Variants in ABHD17C observed in about 807,000 individuals in gnomAD.
The protein encoded by ABHD17C is alpha/beta hydrolase domain-containing protein 17C.
Under a neutral mutation model 27.9 loss-of-function variants are expected in ABHD17C, and 11 were observed. The ratio of observed to expected loss-of-function variants is 0.39; its 90% CI spans 0.25 to 0.65. The LOEUF is 0.65. Ranked by LOEUF, ABHD17C falls within the 30% of genes least tolerant of loss-of-function variation. ABHD17C has a pLI of 0.45. For synonymous variants in ABHD17C, 233 were observed against 209.1 expected, an observed-to-expected ratio of 1.11 and a Z score of -0.98; for missense variants, 280 against 470.2, an observed-to-expected ratio of 0.60 and a Z score of 3.74.
At chr15:80,743,470 A>T (rs888927361) in intron 1 of ABHD17C, among the ~76,000 whole-genome samples, 1 of 152,226 alleles carries the variant, frequency 6.6e-6, no homozygotes, top group South Asian at 2.1e-4. Flanking sequence ...CACAAAGGTC[A>T]TGCTGACTAG....
At chr15:80,725,081 A>G (rs908027641) in intron 1 of ABHD17C, among the ~76,000 whole-genome samples, 1 of 152,254 alleles carries the variant, frequency 6.6e-6, no homozygotes, top group Admixed American at 6.5e-5. Context: ...CGAAGACACC[A>G]GGGCAGTGTG....
At chr15:80,741,926 C>T (rs1197695350) in intron 1 of ABHD17C, among the ~76,000 whole-genome samples, 3 of 152,178 alleles carry the variant, frequency 2.0e-5, no homozygotes, top group African/African-American at 4.8e-5. Context: ...GACTAATGGG[C>T]AGGTAGTGTA....
intron 1 of ABHD17C, among the ~76,000 whole-genome samples, chr15:80,724,828 G>T (rs1894950734): frequency 6.6e-6 from 1 of 152,188 alleles, no homozygotes; most frequent in African/African-American, 2.4e-5. Context: ...CAGGGATGGA[G>T]TTTTCTGCTC....
At chr15:80,726,805 G>A (rs947362269) in intron 1 of ABHD17C, among the ~76,000 whole-genome samples, 2 of 152,144 alleles carry the variant, frequency 1.3e-5, no homozygotes, top group Admixed American at 1.3e-4. Context: ...GATTACAGGC[G>A]TGAGCCGCCA....
chr15:80,725,661 CACCACCGTG>C (rs1276491894), intron 1 of ABHD17C, among the ~76,000 whole-genome samples: 25 of 152,168 alleles, frequency 1.6e-4, no homozygotes, highest in Admixed American at 4.6e-4. Flanking sequence ...TACAGGTGTG[CACCACCGTG>C]ACTAGCTAAT....
chr15:80,698,606 G>A (rs570583731), intron 1 of ABHD17C, among the ~76,000 whole-genome samples: 4 of 152,184 alleles, frequency 2.6e-5, no homozygotes, highest in African/African-American at 9.7e-5. Flanking sequence ...TTATTCTGCT[G>A]ACATAAGAGT....
intron 2 of ABHD17C, among the ~76,000 whole-genome samples, chr15:80,752,092 C>T (rs1171520401): frequency 6.6e-6 from 1 of 152,190 alleles, no homozygotes; most frequent in African/African-American, 2.4e-5. Context: ...TGGAAGTCAA[C>T]TTTAAATACA....
At chr15:80,723,716 C>T (rs950246817) in intron 1 of ABHD17C, among the ~76,000 whole-genome samples, 3 of 152,126 alleles carry the variant, frequency 2.0e-5, no homozygotes, top group Non-Finnish European at 2.9e-5. Context: ...GTCACATTGC[C>T]ACAGGTTTCC....
At chr15:80,718,344 T>G (rs1399877463) in intron 1 of ABHD17C, among the ~76,000 whole-genome samples, 1 of 152,098 alleles carries the variant, frequency 6.6e-6, no homozygotes, top group Non-Finnish European at 1.5e-5. Flanking sequence ...TATTTATTTA[T>G]TTTTTTGAAA....
At chr15:80,714,257 G>A (rs181306914) in intron 1 of ABHD17C, among the ~76,000 whole-genome samples, 41 of 152,274 alleles carry the variant, frequency 2.7e-4, no homozygotes, top group Admixed American at 2.4e-3. Flanking sequence ...CGCCCAGCCT[G>A]TCTCCATTTA....
intron 1 of ABHD17C, among the ~76,000 whole-genome samples, chr15:80,700,869 C>T (rs1345447757): frequency 3.3e-5 from 5 of 152,208 alleles, no homozygotes. Context: ...CCACTGCTCT[C>T]TAGCCTGGGC....
At chr15:80,719,157 C>T (rs1425297680) in intron 1 of ABHD17C, among the ~76,000 whole-genome samples, 1 of 152,144 alleles carries the variant, frequency 6.6e-6, no homozygotes, top group Admixed American at 6.5e-5. Flanking sequence ...ACGAGTCAAA[C>T]AGAAAAGATC....
Position 80,755,158 on chromosome 15 carries a change from C to T in ABHD17C, c.*788C>T, listed in dbSNP as rs1895416887. ...AGATTCTTAATGGTAGATATGATTT[C>T]TTTTGTCAGGCTACAACAATGAACT... On this transcript the variant is annotated 3_prime_UTR_variant, in exon 3 of 3. Transcript: ENST00000258884. 6.6e-6 allele frequency: 1 copy of T among 152,104 alleles called. No homozygotes were observed. 9.4% of individuals were successfully genotyped at this position (152,104 alleles called of 1,614,324 possible). A position where few individuals can be genotyped will look rare whatever the true frequency, so the allele number is the denominator to read the frequency against.
chr15:80,726,747 G>A (rs1424162108), intron 1 of ABHD17C, among the ~76,000 whole-genome samples: 3 of 151,888 alleles, frequency 2.0e-5, no homozygotes, highest in Admixed American at 1.3e-4. Context: ...GGATGGTCTC[G>A]ATCTCCTGAC....
chr15:80,719,617 T>G (rs1448983858), intron 1 of ABHD17C, among the ~76,000 whole-genome samples: 9 of 152,238 alleles, frequency 5.9e-5, no homozygotes, highest in African/African-American at 2.2e-4. Context: ...AGTAACATTT[T>G]CATCTCTACA....
At chr15:80,736,364 A>G (rs1229809368) in intron 1 of ABHD17C, among the ~76,000 whole-genome samples, 2 of 152,164 alleles carry the variant, frequency 1.3e-5, no homozygotes, top group Non-Finnish European at 2.9e-5. Flanking sequence ...CCTCTTCCTC[A>G]TAATTAAAAT....
intron 1 of ABHD17C, 140 bp downstream of exon 1, chr15:80,696,159 C>A: frequency 1.1e-6 from 1 of 920,434 alleles, no homozygotes; most frequent in Admixed American, 2.9e-5. Context: ...CCTTGGCCGC[C>A]GTAAATTCGC....
chr15:80,738,599 G>T (rs558038871), intron 1 of ABHD17C, among the ~76,000 whole-genome samples: 4 of 152,304 alleles, frequency 2.6e-5, no homozygotes, highest in Middle Eastern at 3.4e-3. Flanking sequence ...GAGACTTAGT[G>T]ACTACAAGTG....
intron 1 of ABHD17C, among the ~76,000 whole-genome samples, chr15:80,697,732 A>C (rs1027008273): frequency 6.6e-6 from 1 of 152,168 alleles, no homozygotes; most frequent in Non-Finnish European, 1.5e-5. Flanking sequence ...GTTTCGGATA[A>C]CTTTGAATTA....
Sources: gnomAD v4.1 joint callset for allele counts (sites outside exome capture counted in the v4.1 genomes callset) on GRCh38, gnomAD v4.1.1 for gene constraint, MANE v1.5 for transcripts, NCBI Gene and HGNC (gene_info 2026-07-23, HGNC 2026-07-21) for gene names.